The following SPINK5 variants were observed in gnomAD, a reference collection of about 807,000 sequenced individuals.
SPINK5 encodes serine protease inhibitor Kazal-type 5.
In SPINK5, 125 loss-of-function variants were observed where a neutral mutation model predicts 151.8. The observed-to-expected ratio is 0.82, with a 90% CI of 0.71 to 0.96. The LOEUF is 0.96. Ranked by LOEUF, SPINK5 falls within the 40% of genes least tolerant of loss-of-function variation. SPINK5 has a pLI of 0.00. For synonymous variants in SPINK5, 374 were observed against 395.3 expected (o/e 0.95, Z 0.64); for missense variants, 1,194 against 1,291.9 (o/e 0.92, Z 1.16).
intron 26 of SPINK5, among the ~76,000 whole-genome samples, chr5:148,122,951 C>T (rs959848146): frequency 7.1e-6 from 1 of 140,188 alleles, no homozygotes; most frequent in Non-Finnish European, 1.5e-5. Flanking sequence ...AGAAGAGTGT[C>T]GTTTAGTTCA....
intron 24 of SPINK5, among the ~76,000 whole-genome samples, chr5:148,119,715 T>G (rs1226183583): frequency 6.6e-6 from 1 of 152,222 alleles, no homozygotes; most frequent in Non-Finnish European, 1.5e-5. Context: ...TAAGAACCTT[T>G]GTGATTACAT....
At chr5:148,102,722 A>AT (rs1753681851) in intron 15 of SPINK5, among the ~76,000 whole-genome samples, 2 of 152,050 alleles carry the variant, frequency 1.3e-5, no homozygotes, top group Admixed American at 6.6e-5. Flanking sequence ...AATTTATGGG[A>AT]TTTTTTTGTT....
chr5:148,071,182 C>T (rs1313915420), intron 3 of SPINK5, among the ~76,000 whole-genome samples: 1 of 152,096 alleles, frequency 6.6e-6, no homozygotes, highest in African/African-American at 2.4e-5. Flanking sequence ...TTTCTGACCA[C>T]TGTCAAAACT....
At chr5:148,072,963 AT>A (rs1252976760) in intron 4 of SPINK5, among the ~76,000 whole-genome samples, 2 of 151,788 alleles carry the variant, frequency 1.3e-5, no homozygotes, top group African/African-American at 2.4e-5. Flanking sequence ...TCACTTGATA[AT>A]TTTTTTCACT....
rs1243198415 is a variant in SPINK5, at chr5:148,128,339, GAT to G, written c.2964+1263_2964+1264del. Reference sequence around the variant, plus strand: ...TACCTGTGATAGCAGCAAGAAATAAGATATCATCAGCAGACCAGTAGCCCCCT... The same window carrying G: ...TACCTGTGATAGCAGCAAGAAATAAGATCATCAGCAGACCAGTAGCCCCCT... On this transcript the variant is annotated intron_variant, in intron 30 of 32. Coordinates refer to ENST00000256084, the MANE Select transcript of SPINK5 (RefSeq NM_006846.4). Among the ~76,000 whole-genome samples the G allele has an allele frequency of 5.3e-5, 8 of 152,100 alleles. No individual in the cohort carries two copies. In the East Asian group the frequency reaches 1.6e-3, roughly 30 times the overall value.
In SPINK5 at chr5:148,124,751, T is replaced by TC. The variant is rs398109528; in HGVS notation, c.2667-14_2667-13insC. 1 of 1,529,656 alleles carries TC rather than the reference T, an allele frequency of 6.5e-7. No homozygotes were observed. The highest frequency in any genetic ancestry group is 8.8e-7 in the Non-Finnish European group (1 of 1,138,942). The allele number at this position is 1,529,656 out of a possible 1,614,324, so 94.8% of individuals were successfully genotyped here. ...TGAAAAATTACCCTATCTTTTTTTT[T>TC]AATTATTCTGCAGTGATCGAGAAGC... is the stretch of plus-strand genomic sequence containing the variant. On this transcript the variant is annotated splice_polypyrimidine_tract_variant and intron_variant, in intron 27 of 32. Transcript: ENST00000256084.
chr5:148,115,621 G>A (rs936049384), intron 21 of SPINK5, among the ~76,000 whole-genome samples: 1 of 152,072 alleles, frequency 6.6e-6, no homozygotes, highest in Non-Finnish European at 1.5e-5. Flanking sequence ...AGCTATGCAA[G>A]CTGAAGGACA....
At chr5:148,075,895 T>C (rs1752865299) in intron 4 of SPINK5, among the ~76,000 whole-genome samples, 2 of 151,724 alleles carry the variant, frequency 1.3e-5, no homozygotes, top group African/African-American at 2.4e-5. Flanking sequence ...GCAAAAGTCA[T>C]ACCCAGAGGT....
chr5:148,105,820 C>T (rs899134191), intron 16 of SPINK5, among the ~76,000 whole-genome samples: 9 of 146,842 alleles, frequency 6.1e-5, no homozygotes, highest in African/African-American at 2.3e-4. Flanking sequence ...AATGGGGTTT[C>T]ACCATGTTGA....
At chr5:148,083,351 T>G (rs1054498565) in intron 4 of SPINK5, among the ~76,000 whole-genome samples, 1 of 151,510 alleles carries the variant, frequency 6.6e-6, no homozygotes, top group Non-Finnish European at 1.5e-5. Flanking sequence ...ACATGGGTTC[T>G]TTTTTAAACA....
intron 23 of SPINK5, 118 bp from the exon 24 acceptor site, chr5:148,118,868 C>T: frequency 1.9e-6 from 2 of 1,072,484 alleles, no homozygotes; most frequent in Non-Finnish European, 2.8e-6. Context: ...CATTTGGAAT[C>T]ATTGACCAGC....
chr5:148,133,593 G>A (rs546387099), intron 31 of SPINK5, among the ~76,000 whole-genome samples: 1 of 152,260 alleles, frequency 6.6e-6, no homozygotes, highest in Admixed American at 6.5e-5. Context: ...GATAGGTCCA[G>A]GGCTAGGGGA....
intron 10 of SPINK5, among the ~76,000 whole-genome samples, chr5:148,097,562 T>C (rs1753502364): frequency 6.6e-6 from 1 of 152,048 alleles, no homozygotes; most frequent in South Asian, 2.1e-4. Context: ...TTGTACACAC[T>C]TAATTCAGAC....
In SPINK5 at chr5:148,114,833, T is replaced by A. The variant is rs868719766; in HGVS notation, c.2015+344T>A. On this transcript the variant is annotated intron_variant, in intron 21 of 32. Coordinates refer to ENST00000256084, the MANE Select transcript of SPINK5 (RefSeq NM_006846.4). Reference sequence around the variant, plus strand: ...TGGAAAGAAAACACACAGATTTTAATGTCAAAGTCCTTACCTACATTGTTG... The same window carrying A: ...TGGAAAGAAAACACACAGATTTTAAAGTCAAAGTCCTTACCTACATTGTTG... Among the ~76,000 whole-genome samples the A allele has an allele frequency of 2.0e-5, 3 of 152,330 alleles. No individual in the cohort carries two copies. In the South Asian group the frequency reaches 6.2e-4, roughly 32 times the overall value.
intron 4 of SPINK5, among the ~76,000 whole-genome samples, chr5:148,083,156 C>T (rs1331902730): frequency 6.6e-6 from 1 of 151,050 alleles, no homozygotes; most frequent in Non-Finnish European, 1.5e-5. Context: ...TGTTCTTGTT[C>T]TTGTCATTTT....
At position 148,065,426 on chromosome 5, in the gene SPINK5, G is replaced by A. The variant is rs9325061; in HGVS notation, c.81+54G>A. 0.66 allele frequency: 1,057,358 copies of A among 1,596,052 alleles called. 355,928 individuals carry two copies. Among genetic ancestry groups the A allele is most frequent in the East Asian group, 0.91 (40,609 of 44,644 alleles). ...TTCATTCCAAGATTCCCAAAGAAAAGTGGTTTGTGGCCAACACCTTCATGT... is the reference window on the plus strand; with the variant it reads ...TTCATTCCAAGATTCCCAAAGAAAAATGGTTTGTGGCCAACACCTTCATGT... On this transcript the variant is annotated intron_variant, in intron 2 of 32. Transcript: ENST00000256084.
intron 5 of SPINK5, among the ~76,000 whole-genome samples, 169 bp from the exon 6 acceptor site, chr5:148,088,373 C>T (rs575620403): frequency 6.6e-6 from 1 of 151,890 alleles, no homozygotes; most frequent in East Asian, 2.0e-4. Flanking sequence ...ATTTCTTTGA[C>T]TTGAAGTTAT....
chr5:148,119,106 G>A lies in SPINK5; in HGVS notation c.2313+48G>A, dbSNP rs9325074. ...GCAAGAATCGTCTTTCTGTGAGTCA[G>A]CAGTTGGCGATCAAAACTATAGAAG... On this transcript the variant is annotated intron_variant, in intron 24 of 32. Coordinates refer to ENST00000256084, the MANE Select transcript of SPINK5 (RefSeq NM_006846.4). The A allele has an allele frequency of 0.77, 1,204,889 of 1,564,962 alleles. 465,817 individuals are homozygous for A. Among genetic ancestry groups the A allele is most frequent in the East Asian group, 0.91 (40,546 of 44,536 alleles).
Position 148,114,432 on chromosome 5 carries a change from T to C in SPINK5, c.1958T>C (p.Val653Ala), listed in dbSNP as rs770854330. The change falls in exon 21 of 33, where the codon GTG becomes GCG. Residue 653 changes from valine to alanine, a missense_variant. Physicochemically the swap from Val to Ala is moderately conservative, Grantham distance 64. Transcript: ENST00000256084. The stretch of plus-strand genomic sequence containing the variant: ...TTCTGCACAAGAGAAAATGATCCTG[T>C]GCGTGGCCCAGATGGCAAGACCCAT... The part of the protein sequence containing the change: ...KLFCTRENDP[V>A]RGPDGKTHGN... 4.3e-6 allele frequency: 7 copies of C among 1,613,672 alleles called. No homozygotes were observed. In the African/African-American group the frequency reaches 9.3e-5, roughly 22 times the overall value.
Sources: allele counts gnomAD v4.1 joint callset (sites outside exome capture counted in the v4.1 genomes callset), GRCh38; gene constraint gnomAD v4.1.1; transcripts MANE v1.5; gene names NCBI Gene and HGNC (gene_info 2026-07-23, HGNC 2026-07-21).